Variants in CACNB4 observed in about 807,000 individuals in gnomAD.
CACNB4 encodes the protein calcium voltage-gated channel auxiliary subunit beta 4.
A neutral mutation model predicts 71.2 loss-of-function variants in CACNB4; 32 were observed. That is an observed-to-expected ratio of 0.45 (90% CI 0.34 to 0.60). The LOEUF (loss-of-function observed/expected upper bound fraction) is 0.60, where lower values mean the gene tolerates loss of function less well. Among genes scored for constraint, CACNB4 ranks in the 20% least tolerant of loss-of-function variants. The probability of loss-of-function intolerance (pLI) is 0.01; values close to 1 mark genes in which losing one functional copy is unlikely to be tolerated. For synonymous variants in CACNB4, 231 were observed against 236.9 expected (o/e 0.97, Z 0.23); for missense variants, 464 against 647.9 (o/e 0.72, Z 3.08).
chr2:152,010,759 C>A (rs948017587), intron 2 of CACNB4, among the ~76,000 whole-genome samples: 33 of 152,308 alleles, frequency 2.2e-4, no homozygotes, highest in South Asian at 2.1e-4. Context: ...CCTGCCCAAC[C>A]AGGGTCAATG....
rs192745423 is a variant in CACNB4, at chr2:151,849,872, T to A, written c.1116+3576A>T. Among the ~76,000 whole-genome samples, 9 of 152,272 alleles carry A rather than the reference T, an allele frequency of 5.9e-5. No individual in the cohort carries two copies. The East Asian group carries it at 1.7e-3, about 29-fold the overall frequency. ...TCCCAGAACAAGGGGGCAAGTTCAG[T>A]TTGCCAGCTAAATCAGGCCTGTCTC... is the stretch of plus-strand genomic sequence containing the variant. On this transcript the variant is annotated intron_variant, in intron 12 of 13. Coordinates refer to ENST00000539935, the MANE Select transcript of CACNB4 (RefSeq NM_000726.5).
intron 2 of CACNB4, among the ~76,000 whole-genome samples, chr2:151,920,312 C>CTTTTTTTTTTTTTTTTTTT (rs1553774943): frequency 8.9e-6 from 1 of 112,044 alleles, no homozygotes; most frequent in African/African-American, 3.5e-5. Flanking sequence ...TCTTCTTCTT[C>CTTTTTTTTTTTTTTTTTTT]TTCTTCTTTT....
intron 2 of CACNB4, among the ~76,000 whole-genome samples, chr2:151,951,668 C>T (rs1043440541): frequency 2.0e-5 from 3 of 152,186 alleles, no homozygotes; most frequent in African/African-American, 4.8e-5. Flanking sequence ...GGCCGGCCCA[C>T]AGGCTTCAAG....
chr2:152,036,692 T>C (rs1684614947), intron 2 of CACNB4, among the ~76,000 whole-genome samples: 1 of 151,964 alleles, frequency 6.6e-6, no homozygotes. Context: ...TGTCGACCTC[T>C]AGAAGCAGAC....
chr2:151,922,791 T>C (rs1024639315), intron 2 of CACNB4, among the ~76,000 whole-genome samples: 1 of 152,188 alleles, frequency 6.6e-6, no homozygotes, highest in Non-Finnish European at 1.5e-5. Context: ...AAATCCTGTT[T>C]TCATTCTAAT....
At chr2:152,042,482 C>T (rs918687650) in intron 2 of CACNB4, among the ~76,000 whole-genome samples, 5 of 152,162 alleles carry the variant, frequency 3.3e-5, no homozygotes, top group Admixed American at 6.5e-5. Flanking sequence ...TGGCAAGCTA[C>T]TCTTGGAAGT....
At chr2:151,941,407 G>C (rs745686011) in intron 2 of CACNB4, among the ~76,000 whole-genome samples, 2 of 150,662 alleles carry the variant, frequency 1.3e-5, no homozygotes, top group Non-Finnish European at 2.9e-5. Context: ...TCAGCAACCC[G>C]AGTAGCTGGG....
intron 2 of CACNB4, among the ~76,000 whole-genome samples, chr2:152,021,150 G>A (rs1028543998): frequency 3.9e-5 from 6 of 152,164 alleles, no homozygotes; most frequent in African/African-American, 1.2e-4. Context: ...TGGAGGCCGA[G>A]GCAGGGGAAT....
At chr2:152,027,865 A>G (rs866565700) in intron 2 of CACNB4, among the ~76,000 whole-genome samples, 7,070 of 150,674 alleles carry the variant, frequency 0.047, 606 homozygotes, top group African/African-American at 0.17. Context: ...AAAAAAAAAA[A>G]AAAAAAAAAA....
chr2:151,994,456 T>C (rs1161560262), intron 2 of CACNB4, among the ~76,000 whole-genome samples: 3 of 151,814 alleles, frequency 2.0e-5, no homozygotes, highest in African/African-American at 7.3e-5. Context: ...TCTGCCCACC[T>C]TGGCCTCCCA....
At chr2:151,853,224 C>T (rs1372842180) in intron 12 of CACNB4, 2 of 457,092 alleles carry the variant, frequency 4.4e-6, no homozygotes, top group Non-Finnish European at 7.7e-6. Flanking sequence ...GAAGAACAGA[C>T]CCCGGACACT....
At chr2:151,884,907 G>C (rs1355998327) in intron 2 of CACNB4, among the ~76,000 whole-genome samples, 1 of 152,190 alleles carries the variant, frequency 6.6e-6, no homozygotes, top group Non-Finnish European at 1.5e-5. Flanking sequence ...GAAAAACATA[G>C]ACCTATCCAT....
At chr2:151,953,102 G>A (rs750313575) in intron 2 of CACNB4, among the ~76,000 whole-genome samples, 3 of 152,174 alleles carry the variant, frequency 2.0e-5, no homozygotes, top group South Asian at 2.1e-4. Context: ...GAGCTGAGAT[G>A]AGCGATTTTA....
intron 2 of CACNB4, among the ~76,000 whole-genome samples, chr2:151,949,948 T>C (rs1159917877): frequency 6.6e-6 from 1 of 152,076 alleles, no homozygotes; most frequent in Admixed American, 6.6e-5. Context: ...CTTGGGAGGC[T>C]GAGGCAAGAT....
intron 2 of CACNB4, among the ~76,000 whole-genome samples, chr2:152,017,433 C>T (rs1579135636): frequency 6.6e-6 from 1 of 151,032 alleles, no homozygotes; most frequent in Non-Finnish European, 1.5e-5. Context: ...ATGGGCCGGG[C>T]GCGGTGGCTC....
intron 2 of CACNB4, among the ~76,000 whole-genome samples, chr2:151,908,414 C>G (rs1205305649): frequency 2.6e-5 from 4 of 152,150 alleles, no homozygotes; most frequent in Admixed American, 1.3e-4. Flanking sequence ...TTAGAACAGT[C>G]ACTTAAGGCC....
intron 8 of CACNB4, 104 bp from the exon 9 acceptor site, chr2:151,869,339 C>T: frequency 1.5e-6 from 1 of 668,786 alleles, no homozygotes; most frequent in Non-Finnish European, 2.7e-6. Flanking sequence ...GAGCCAAGAC[C>T]TTATTGTAGC....
chr2:151,891,874 G>A (rs752568826), intron 2 of CACNB4, among the ~76,000 whole-genome samples: 6 of 152,142 alleles, frequency 3.9e-5, no homozygotes, highest in Non-Finnish European at 7.3e-5. Context: ...CTGAGCAGCT[G>A]ATCTAGAAAC....
rs78731697 is a variant in CACNB4 at position 151,881,306 on chromosome 2, G to GA, written c.268-385dup. 1.7e-3 allele frequency among the ~76,000 whole-genome samples: 237 copies of GA among 136,050 alleles called. 3 individuals are homozygous for GA. Among genetic ancestry groups the GA allele is most frequent in the South Asian group, 0.012 (52 of 4,296 alleles). 89.3% of individuals were successfully genotyped at this position (136,050 alleles called of 152,430 possible). The stretch of plus-strand genomic sequence containing the variant: ...AATGTGTGCAAGGTCTTTTTAAAAA[G>GA]AAAAAAAAAAAGGTGGGAAGAGGAT... On this transcript the variant is annotated intron_variant, in intron 3 of 13. Transcript: ENST00000539935.
Sources: allele counts gnomAD v4.1 joint callset (sites outside exome capture counted in the v4.1 genomes callset), GRCh38; gene constraint gnomAD v4.1.1; transcripts MANE v1.5; gene names NCBI Gene and HGNC (gene_info 2026-07-23, HGNC 2026-07-21).